Variants in SWT1 observed in about 807,000 individuals in gnomAD.
SWT1 encodes transcriptional protein SWT1.
A neutral mutation model predicts 107.3 loss-of-function variants in SWT1; 33 were observed. The ratio of observed to expected loss-of-function variants is 0.31; its 90% CI spans 0.23 to 0.41. The LOEUF (loss-of-function observed/expected upper bound fraction) is 0.41, where lower values mean the gene tolerates loss of function less well. Ranked by LOEUF, SWT1 falls within the 10% of genes least tolerant of loss-of-function variation. SWT1 has a pLI of 1.00. For missense variants in SWT1, 898 were observed against 1,028.9 expected, an observed-to-expected ratio of 0.87 and a Z score of 1.74; for synonymous variants, 345 against 348.3, an observed-to-expected ratio of 0.99 and a Z score of 0.11.
chr1:185,212,385 T>G (rs1475914044), intron 13 of SWT1, among the ~76,000 whole-genome samples: 1 of 152,132 alleles, frequency 6.6e-6, no homozygotes, highest in African/African-American at 2.4e-5. Context: ...CAGGGGGGTC[T>G]GCTCTTAGAC....
chr1:185,225,883 A>C (rs994192103), intron 15 of SWT1, among the ~76,000 whole-genome samples: 1 of 152,238 alleles, frequency 6.6e-6, no homozygotes, highest in Admixed American at 6.5e-5. Flanking sequence ...AAATACTTCT[A>C]TTTAGTGTGC....
intron 15 of SWT1, among the ~76,000 whole-genome samples, chr1:185,225,127 AG>A (rs1383233566): frequency 3.9e-5 from 6 of 152,250 alleles, no homozygotes; most frequent in African/African-American, 1.4e-4. Context: ...TTAATCATGA[AG>A]GGATGTTGAA....
At position 185,180,433 on chromosome 1, in the gene SWT1, C is replaced by T. The variant is rs753286079; in HGVS notation, c.1009C>T (p.Gln337Ter). Reference sequence around the variant, plus strand: ...TTGTTCCGTGTCATCTGAAAGTATCCAGGATGCAGATCAAGAGGTTATTGA... The same window carrying T: ...TTGTTCCGTGTCATCTGAAAGTATCTAGGATGCAGATCAAGAGGTTATTGA... The part of the protein sequence containing the change: ...PCCSVSSESI[Q>*]DADQEMQIVE... Residue 337 changes from glutamine to a stop codon, truncating the protein, a stop_gained, in exon 6 of 19, where the codon CAG (glutamine) becomes TAG (stop). Coordinates refer to ENST00000367500, the MANE Select transcript of SWT1 (RefSeq NM_017673.7). LOFTEE classifies it high-confidence loss of function. The T allele has an allele frequency of 6.2e-7, 1 of 1,612,424 alleles. No individual in the cohort carries two copies. The highest frequency in any genetic ancestry group is 2.2e-5 in the East Asian group (1 of 44,864).
chr1:185,270,275 G>A (rs781769162), intron 16 of SWT1, among the ~76,000 whole-genome samples: 6 of 142,942 alleles, frequency 4.2e-5, no homozygotes, highest in Non-Finnish European at 9.0e-5. Context: ...ATGACAGGCT[G>A]GTTTACTTTC....
chr1:185,180,996 C>T (rs1334673205), intron 6 of SWT1, among the ~76,000 whole-genome samples: 2 of 152,078 alleles, frequency 1.3e-5, no homozygotes, highest in African/African-American at 4.8e-5. Context: ...GGCAAAGCAC[C>T]GTGGCTCAAG....
In SWT1 at chr1:185,174,692, A is replaced by G. The variant is rs74925311; in HGVS notation, c.545A>G (p.Lys182Arg). 2,120 of 1,613,762 alleles carry G rather than the reference A, an allele frequency of 1.3e-3. 28 individuals are homozygous for G. The African/African-American group carries it at 0.025, about 19-fold the overall frequency. Residue 182 changes from lysine (K) to arginine (R), a missense_variant, in exon 5 of 19, where the codon AAG becomes AGG. This residue lies in a region of SWT1 where 382 missense variants were observed against 362.4 expected (regional missense o/e 1.05). Transcript: ENST00000367500. ...KWSHLLVQRE[K>R]MKELKKGRNS... The stretch of plus-strand genomic sequence containing the variant: ...TCTCATTTACTTGTTCAGAGAGAGA[A>G]GATGAAAGAACTCAAGAAAGGAAGA...
rs528103150 is a variant in SWT1, at chr1:185,227,721, G to A, written c.2310-3856G>A. On this transcript the variant is annotated intron_variant, in intron 15 of 18. Transcript: ENST00000367500. ...CCCATCCTGCAGAACAGAGACCTGC[G>A]TCTGCAGCTTGACAGAGACCTGCAG... 8 of 500,386 alleles carry A rather than the reference G, an allele frequency of 1.6e-5. No homozygotes were observed. In the East Asian group the frequency reaches 2.1e-4, roughly 13 times the overall value. 31.0% of individuals were successfully genotyped at this position (500,386 alleles called of 1,614,324 possible). A position where few individuals can be genotyped will look rare whatever the true frequency, so the allele number is the denominator to read the frequency against.
chr1:185,201,449 G>A (rs750842028), intron 10 of SWT1, among the ~76,000 whole-genome samples: 10 of 152,140 alleles, frequency 6.6e-5, no homozygotes, highest in Non-Finnish European at 8.8e-5. Flanking sequence ...TGTCTGGGCC[G>A]GAGTGCACCG....
intron 11 of SWT1, 110 bp from the exon 12 acceptor site, chr1:185,204,585 ATATAT>A (rs1658158958): frequency 6.6e-6 from 3 of 452,694 alleles, no homozygotes; most frequent in South Asian, 1.4e-4. Flanking sequence ...TGTTTGTTTT[ATATAT>A]AATTAAAATA....
chr1:185,231,275 C>A (rs564408483), intron 15 of SWT1, among the ~76,000 whole-genome samples: 49 of 152,272 alleles, frequency 3.2e-4, no homozygotes, highest in African/African-American at 1.2e-3. Flanking sequence ...GACTTGAATG[C>A]AGATGGATAG....
At chr1:185,157,456 G>T (rs1173217427) in intron 1 of SWT1, 142 bp downstream of exon 1, 2 of 152,664 alleles carry the variant, frequency 1.3e-5, no homozygotes, top group Non-Finnish European at 2.9e-5. Context: ...CTGTGGGCGG[G>T]TCCGGGGACG....
chr1:185,281,201 A>G, intron 18 of SWT1: 1 of 233,070 alleles, frequency 4.3e-6, no homozygotes, highest in East Asian at 1.1e-4. Context: ...AAGTAATGAA[A>G]TGATGCTGCC....
intron 4 of SWT1, among the ~76,000 whole-genome samples, chr1:185,169,241 A>G (rs1349754097): frequency 6.9e-6 from 1 of 144,282 alleles, no homozygotes; most frequent in Non-Finnish European, 1.5e-5. Flanking sequence ...CCCTTGCTAC[A>G]TTTTTTGAAC....
At chr1:185,219,589 G>A (rs964125547) in intron 14 of SWT1, among the ~76,000 whole-genome samples, 2 of 152,028 alleles carry the variant, frequency 1.3e-5, no homozygotes, top group Admixed American at 6.6e-5. Context: ...AGTTTACAAA[G>A]CATATTTATA....
rs553880330 is a variant in SWT1 at position 185,224,871 on chromosome 1, G to T, written c.2309+2835G>T. 3.3e-5 allele frequency among the ~76,000 whole-genome samples: 5 copies of T among 152,250 alleles called. No homozygotes were observed. In the South Asian group the frequency reaches 1.0e-3, roughly 32 times the overall value. ...TAAGACATTTTCGGTGGAGTCTTAA[G>T]AGTTTTCCATATATACGATCATGTT... On this transcript the variant is annotated intron_variant, in intron 15 of 18. Transcript: ENST00000367500.
At chr1:185,226,688 A>G in intron 15 of SWT1, 1 of 444,918 alleles carries the variant, frequency 2.2e-6, no homozygotes, top group Non-Finnish European at 3.9e-6. Flanking sequence ...ACAAAAACAA[A>G]CAAACAAAAG....
At chr1:185,275,954 TC>T (rs1664212303) in intron 17 of SWT1, among the ~76,000 whole-genome samples, 2 of 152,220 alleles carry the variant, frequency 1.3e-5, no homozygotes, top group Admixed American at 1.3e-4. Context: ...CCTTACTGTT[TC>T]CTTTTACTAA....
chr1:185,234,232 A>G (rs1028754686), intron 16 of SWT1, among the ~76,000 whole-genome samples: 1 of 152,154 alleles, frequency 6.6e-6, no homozygotes, highest in Non-Finnish European at 1.5e-5. Flanking sequence ...GTCTACCACT[A>G]TTATTGTGCA....
chr1:185,223,243 A>C (rs538717997), intron 15 of SWT1, among the ~76,000 whole-genome samples: 1 of 152,246 alleles, frequency 6.6e-6, no homozygotes, highest in East Asian at 1.9e-4. Context: ...TTTTTGAGGC[A>C]GGGTCTCGCT....
Sources: allele counts gnomAD v4.1 joint callset (sites outside exome capture counted in the v4.1 genomes callset), GRCh38; gene constraint gnomAD v4.1.1; regional missense constraint gnomAD v4.1.1; transcripts MANE v1.5; gene names NCBI Gene and HGNC (gene_info 2026-07-23, HGNC 2026-07-21).